Variants in ACACB observed in about 807,000 individuals in gnomAD.
ACACB encodes the protein acetyl-CoA carboxylase beta.
ACACB carries 209 observed loss-of-function variants against 278.8 expected under a neutral mutation model. The observed-to-expected ratio is 0.75, with a 90% CI of 0.67 to 0.84. The LOEUF (loss-of-function observed/expected upper bound fraction) is 0.84, where lower values mean the gene tolerates loss of function less well. ACACB is among the 40% of genes least tolerant of loss of function. The pLI is 0.00. For missense variants in ACACB, 2,850 were observed against 3,269.0 expected, an observed-to-expected ratio of 0.87 and a Z score of 3.13; for synonymous variants, 1,174 against 1,285.6, an observed-to-expected ratio of 0.91 and a Z score of 1.86.
chr12:109,241,324 G>T, intron 36 of ACACB, 43 bp downstream of exon 36: 1 of 1,574,410 alleles, frequency 6.4e-7, no homozygotes, highest in Non-Finnish European at 8.7e-7. Context: ...CAAAGCAGAA[G>T]CAGGCTGCTT....
chr12:109,170,581 A>G (rs184300809), intron 4 of ACACB, among the ~76,000 whole-genome samples: 56 of 152,300 alleles, frequency 3.7e-4, no homozygotes, highest in African/African-American at 1.3e-3. Context: ...GATTCCATGT[A>G]GAAGGGGTAA....
intron 3 of ACACB, among the ~76,000 whole-genome samples, chr12:109,167,621 GTATATATATATATATATA>G (rs1216217057): frequency 0.017 from 1,299 of 77,532 alleles, 64 homozygotes; most frequent in African/African-American, 0.062. Context: ...ATATGTATGT[GTATATATATATATATATA>G]TATATATATA....
intron 1 of ACACB, among the ~76,000 whole-genome samples, chr12:109,137,398 G>A (rs1191445116): frequency 2.0e-5 from 3 of 152,106 alleles, no homozygotes; most frequent in Admixed American, 6.6e-5. Flanking sequence ...AGTGTCTCAC[G>A]CCTGTAATCC....
intron 2 of ACACB, among the ~76,000 whole-genome samples, chr12:109,140,447 G>A (rs554009691): frequency 7.4e-4 from 113 of 152,084 alleles, no homozygotes; most frequent in Non-Finnish European, 1.3e-3. Flanking sequence ...ACTTGAGGTC[G>A]GGAGTTTAAG....
chr12:109,154,444 G>T (rs1024296476), intron 2 of ACACB, among the ~76,000 whole-genome samples: 1 of 152,266 alleles, frequency 6.6e-6, no homozygotes, highest in East Asian at 1.9e-4. Context: ...ATCAATTGCT[G>T]CCAATATGTA....
chr12:109,219,322 G>T (rs1333679670), intron 24 of ACACB, among the ~76,000 whole-genome samples: 2 of 152,102 alleles, frequency 1.3e-5, no homozygotes, highest in Admixed American at 1.3e-4. Context: ...TAAATATTGG[G>T]ATTTTTGGTA....
chr12:109,194,972 T>C (rs2045063493), intron 16 of ACACB, among the ~76,000 whole-genome samples: 1 of 151,526 alleles, frequency 6.6e-6, no homozygotes, highest in South Asian at 2.1e-4. Context: ...GGTTTACTAC[T>C]GGAGTCCCTG....
Position 109,206,862 on chromosome 12 carries a change from G to A in ACACB, c.3060+6G>A, listed in dbSNP as rs201590597. ...AGCCCGTTTTTAGCATAAAGGTAAA[G>A]TCACCTATGAGCGCAGGCGTGTAGA... On this transcript the variant is annotated splice_donor_region_variant and intron_variant, in intron 20 of 52. Coordinates refer to ENST00000338432, the MANE Select transcript of ACACB (RefSeq NM_001093.4). 59 of 1,614,076 alleles carry A rather than the reference G, an allele frequency of 3.7e-5. No individual in the cohort carries two copies. The highest frequency in any genetic ancestry group is 4.7e-5 in the Non-Finnish European group (56 of 1,180,044).
At chr12:109,158,632 C>T (rs1411580359) in intron 2 of ACACB, among the ~76,000 whole-genome samples, 1 of 152,084 alleles carries the variant, frequency 6.6e-6, no homozygotes, top group Non-Finnish European at 1.5e-5. Flanking sequence ...ACTATTTTTG[C>T]ACCACTGCAC....
At chr12:109,138,523 G>A (rs1267941767) in intron 1 of ACACB, among the ~76,000 whole-genome samples, 1 of 151,652 alleles carries the variant, frequency 6.6e-6, no homozygotes, top group African/African-American at 2.4e-5. Flanking sequence ...GATGACAGAA[G>A]CAACAATTCC....
intron 41 of ACACB, among the ~76,000 whole-genome samples, chr12:109,250,414 A>T (rs2047062380): frequency 6.6e-6 from 1 of 152,220 alleles, no homozygotes; most frequent in South Asian, 2.1e-4. Context: ...CTAATATTAC[A>T]CCCAACAGAA....
chr12:109,214,617 C>T (rs145912780), intron 22 of ACACB, among the ~76,000 whole-genome samples: 132 of 152,320 alleles, frequency 8.7e-4, no homozygotes, highest in Middle Eastern at 3.4e-3. Context: ...AAGCCCTGTC[C>T]TGTATTGTGT....
Position 109,246,162 on chromosome 12 carries a change from A to C in ACACB, c.5302-17A>C. On this transcript the variant is annotated splice_polypyrimidine_tract_variant and intron_variant, in intron 38 of 52. Transcript: ENST00000338432. ...AGAAACAAACTCATTTTCCTTGTGC[A>C]TTCATCCCCTTGCCAGGTGGGCATG... 1 of 1,603,910 alleles carries C rather than the reference A, an allele frequency of 6.2e-7. No individual in the cohort carries two copies. Among genetic ancestry groups the C allele is most frequent in the South Asian group, 1.1e-5 (1 of 90,274 alleles).
rs201434608 is a variant in ACACB at position 109,212,956 on chromosome 12, G to T, written c.3350+20G>T. On this transcript the variant is annotated intron_variant, in intron 22 of 52. Coordinates refer to ENST00000338432, the MANE Select transcript of ACACB (RefSeq NM_001093.4). The stretch of plus-strand genomic sequence containing the variant: ...CCAGAGGTGAATCCTGGGTCTCCCC[G>T]TAGGATGTGGTTGTCACCTGAATCG... The T allele has an allele frequency of 6.2e-7, 1 of 1,603,726 alleles. No homozygotes were observed. The highest frequency in any genetic ancestry group is 8.5e-7 in the Non-Finnish European group (1 of 1,170,760).
intron 1 of ACACB, among the ~76,000 whole-genome samples, chr12:109,124,177 C>T (rs1426232361): frequency 6.6e-6 from 1 of 152,026 alleles, no homozygotes; most frequent in East Asian, 1.9e-4. Context: ...CCAGGTGGCT[C>T]AAAGATGTCT....
chr12:109,238,433 TATATA>T (rs899021106), intron 34 of ACACB, among the ~76,000 whole-genome samples: 29 of 132,280 alleles, frequency 2.2e-4, no homozygotes, highest in African/African-American at 6.5e-4. Context: ...TATAATATAT[TATATA>T]ATATAACATA....
intron 19 of ACACB, among the ~76,000 whole-genome samples, chr12:109,203,430 C>T (rs975084099): frequency 1.3e-5 from 2 of 152,214 alleles, no homozygotes. Context: ...AAATTGTGCT[C>T]ACCTCCACCC....
intron 44 of ACACB, among the ~76,000 whole-genome samples, chr12:109,254,712 TTC>T (rs1448612508): frequency 6.6e-6 from 1 of 151,908 alleles, no homozygotes; most frequent in Non-Finnish European, 1.5e-5. Context: ...GACTGCATCT[TTC>T]TCTTTCTTTC....
At position 109,245,713 on chromosome 12, in the gene ACACB, C is replaced by T; in HGVS notation, c.5266C>T (p.Leu1756=). 3 of 1,614,162 alleles carry T rather than the reference C, an allele frequency of 1.9e-6. No individual in the cohort carries two copies. In the East Asian group the frequency reaches 6.7e-5, roughly 36 times the overall value. ...ATTAGTGTTGGACTCTCAGGGCCAG[C>T]TGGTGGAGATGAACCGACTTCCTGG... The part of the protein sequence containing the change: ...TELVLDSQGQ[L]VEMNRLPGGN... The change falls in exon 38 of 53, where the codon CTG becomes TTG. Residue 1756 remains leucine (L), a synonymous_variant. Coordinates refer to ENST00000338432, the MANE Select transcript of ACACB (RefSeq NM_001093.4).
Sources: allele counts gnomAD v4.1 joint callset (sites outside exome capture counted in the v4.1 genomes callset), GRCh38; gene constraint gnomAD v4.1.1; transcripts MANE v1.5; gene names NCBI Gene and HGNC (gene_info 2026-07-23, HGNC 2026-07-21).